Variants in TNFRSF10A observed in about 807,000 individuals in gnomAD.
TNFRSF10A encodes the protein TNF receptor superfamily member 10a.
A neutral mutation model predicts 42.8 loss-of-function variants in TNFRSF10A; 44 were observed. The ratio of observed to expected loss-of-function variants is 1.03; its 90% confidence interval spans 0.81 to 1.32. The LOEUF is 1.32. Among genes scored for constraint, TNFRSF10A ranks in the 40% most tolerant of loss-of-function variants. The probability of loss-of-function intolerance (pLI) is 0.00; values close to 1 mark genes in which losing one functional copy is unlikely to be tolerated. For missense variants in TNFRSF10A, 680 were observed against 602.0 expected (o/e 1.13, Z -1.36); for synonymous variants, 259 against 234.2 (o/e 1.11, Z -0.97).
At position 23,199,274 on chromosome 8, in the gene TNFRSF10A, A is replaced by G. The variant is rs1471505650; in HGVS notation, c.1006T>C (p.Cys336Arg). The G allele has an allele frequency of 2.5e-6, 4 of 1,612,386 alleles. No individual in the cohort carries two copies. The highest frequency in any genetic ancestry group is 3.4e-6 in the Non-Finnish European group (4 of 1,178,734). The change falls in exon 8 of 10, where the codon TGT becomes CGT. Residue 336 changes from cysteine to arginine, a missense_variant. Coordinates refer to ENST00000221132, the MANE Select transcript of TNFRSF10A (RefSeq NM_003844.4). ...VTVQSPGEAQ[C>R]LLGPAEAEGS... ...GCCTGTCCCCAACTCACCAGCAGAC[A>G]CTGTGCCTCCCCTGGGGACTGTACA...
Position 23,199,421 on chromosome 8 carries a change from G to C in TNFRSF10A, c.859C>G (p.Arg287Gly). ...GCATTGTCCTCAGCCCCAGGCCCTC[G>C]TAGGAGACCCAAGCGCCAGAAACAC... ...RVCFWRLGLL[R>G]GPGAEDNAHN... The change falls in exon 8 of 10, where the codon CGA becomes GGA. Residue 287 changes from arginine (R) to glycine (G), a missense_variant. Transcript: ENST00000221132. 2.5e-6 allele frequency: 4 copies of C among 1,612,674 alleles called. No individual in the cohort carries two copies. Among genetic ancestry groups the C allele is most frequent in the Non-Finnish European group, 3.4e-6 (4 of 1,178,790 alleles).
chr8:23,224,679 C>T, intron 1 of TNFRSF10A, 77 bp downstream of exon 1: 1 of 1,480,946 alleles, frequency 6.8e-7, no homozygotes, highest in Non-Finnish European at 9.0e-7. Context: ...GGCACCCCCG[C>T]CGCGTCCCCC....
At chr8:23,199,470 C>A (rs1292324477) in intron 7 of TNFRSF10A, 22 bp from the exon 8 acceptor site, 1 of 1,601,380 alleles carries the variant, frequency 6.2e-7, no homozygotes, top group Non-Finnish European at 8.6e-7. Context: ...AAAGAGCCAA[C>A]TCAGAAGCCC....
At position 23,213,195 on chromosome 8, in the gene TNFRSF10A, A is replaced by T. The variant is rs899078003; in HGVS notation, c.307-983T>A. ...TTGTTGACATGCAATTATTTATAGT[A>T]TTTTTTATAATCCTTTGGATTTCTG... is the stretch of plus-strand genomic sequence containing the variant. On this transcript the variant is annotated intron_variant, in intron 1 of 9. Coordinates refer to ENST00000221132, the MANE Select transcript of TNFRSF10A (RefSeq NM_003844.4). 7.9e-5 allele frequency among the ~76,000 whole-genome samples: 12 copies of T among 152,070 alleles called. No homozygotes were observed. In the South Asian group the frequency reaches 2.1e-3, roughly 26 times the overall value.
intron 1 of TNFRSF10A, among the ~76,000 whole-genome samples, chr8:23,222,328 A>C (rs1035106401): frequency 2.6e-5 from 4 of 152,206 alleles, no homozygotes; most frequent in African/African-American, 9.6e-5. Flanking sequence ...GGGAACATTG[A>C]CATATGGACA....
chr8:23,199,987 G>A (rs894919083), intron 6 of TNFRSF10A, 70 bp from the exon 7 acceptor site: 4 of 1,394,302 alleles, frequency 2.9e-6, no homozygotes, highest in South Asian at 1.2e-5. Flanking sequence ...AGAGGGCAGT[G>A]TTGGGCAGGG....
intron 9 of TNFRSF10A, among the ~76,000 whole-genome samples, chr8:23,195,571 T>C (rs1800811500): frequency 6.6e-6 from 1 of 152,320 alleles, no homozygotes; most frequent in African/African-American, 2.4e-5. Flanking sequence ...AGGGCTTTGA[T>C]TGCAATGGCC....
intron 9 of TNFRSF10A, among the ~76,000 whole-genome samples, chr8:23,192,271 C>T (rs1004293759): frequency 1.3e-5 from 2 of 152,212 alleles, no homozygotes; most frequent in Non-Finnish European, 2.9e-5. Context: ...GAGAACCCAC[C>T]TGGGGAGGAT....
In TNFRSF10A at chr8:23,205,814, G is replaced by A. The variant is rs774774678; in HGVS notation, c.404-3053C>T. On this transcript the variant is annotated intron_variant, in intron 2 of 9. Coordinates refer to ENST00000221132, the MANE Select transcript of TNFRSF10A (RefSeq NM_003844.4). ...CAACCTCTGCCTCTCAGGTTCAAGC[G>A]ATTATCCTGCCTCAGCCTCAGCCTC... Among the ~76,000 whole-genome samples, 17 of 149,342 alleles carry A rather than the reference G, an allele frequency of 1.1e-4. No individual in the cohort carries two copies. In the East Asian group the frequency reaches 2.9e-3, roughly 25 times the overall value.
At chr8:23,196,418 G>A (rs964710683) in intron 9 of TNFRSF10A, among the ~76,000 whole-genome samples, 2 of 151,988 alleles carry the variant, frequency 1.3e-5, no homozygotes, top group East Asian at 1.9e-4. Context: ...GGATGGTCTC[G>A]ATCTCCTGAC....
chr8:23,221,662 C>T (rs954749666), intron 1 of TNFRSF10A, among the ~76,000 whole-genome samples: 6 of 152,162 alleles, frequency 3.9e-5, no homozygotes, highest in South Asian at 4.1e-4. Context: ...TGCAGAGGTG[C>T]GACTGCAGTC....
intron 2 of TNFRSF10A, among the ~76,000 whole-genome samples, chr8:23,210,345 A>C (rs1184435452): frequency 6.6e-6 from 1 of 152,196 alleles, no homozygotes; most frequent in Non-Finnish European, 1.5e-5. Flanking sequence ...TTGTTGCAAA[A>C]ATTTGCAACA....
At chr8:23,197,619 A>C (rs1388500179) in intron 8 of TNFRSF10A, among the ~76,000 whole-genome samples, 1 of 152,164 alleles carries the variant, frequency 6.6e-6, no homozygotes, top group East Asian at 1.9e-4. Context: ...TAATTATTTC[A>C]TTATATATTA....
At position 23,198,483 on chromosome 8, in the gene TNFRSF10A, A is replaced by G. The variant is rs137881633; in HGVS notation, c.1014+783T>C. ...GAAGAAATTAGGAATCTACTGTCTG[A>G]ATGTGAGAAAAAGCATGAGTAGGAG... On this transcript the variant is annotated intron_variant, in intron 8 of 9. Coordinates refer to ENST00000221132, the MANE Select transcript of TNFRSF10A (RefSeq NM_003844.4). Among the ~76,000 whole-genome samples, 853 of 152,340 alleles carry G rather than the reference A, an allele frequency of 5.6e-3. 7 individuals carry two copies. Among genetic ancestry groups the G allele is most frequent in the Middle Eastern group, 0.01 (3 of 294 alleles).
At chr8:23,199,123 G>A (rs1361353804) in intron 8 of TNFRSF10A, 143 bp downstream of exon 8, 3 of 920,882 alleles carry the variant, frequency 3.3e-6, no homozygotes, top group Non-Finnish European at 4.8e-6. Context: ...GTCCCCTTGT[G>A]AGGGTGGCTG....
chr8:23,206,772 C>T (rs1801019603), intron 2 of TNFRSF10A: 2 of 153,646 alleles, frequency 1.3e-5, no homozygotes, highest in Non-Finnish European at 2.9e-5. Context: ...AATTAGGTAC[C>T]TTGGATGAAA....
intron 7 of TNFRSF10A, 43 bp from the exon 8 acceptor site, chr8:23,199,491 C>T (rs1220048102): frequency 3.8e-6 from 6 of 1,596,046 alleles, no homozygotes; most frequent in South Asian, 1.1e-5. Context: ...ACACCCAGGG[C>T]TCCCCACGGG....
intron 2 of TNFRSF10A, among the ~76,000 whole-genome samples, chr8:23,209,246 CA>C (rs748864672): frequency 3.3e-5 from 5 of 152,204 alleles, no homozygotes; most frequent in African/African-American, 7.2e-5. Flanking sequence ...GATGCCCAGG[CA>C]AAAGTTTGCT....
intron 1 of TNFRSF10A, among the ~76,000 whole-genome samples, chr8:23,216,858 T>C (rs1318534332): frequency 6.6e-6 from 1 of 152,254 alleles, no homozygotes; most frequent in Non-Finnish European, 1.5e-5. Context: ...ATATTGTTAT[T>C]GCTTAACACT....
Sources: gnomAD v4.1 joint callset for allele counts (sites outside exome capture counted in the v4.1 genomes callset) on GRCh38, gnomAD v4.1.1 for gene constraint, MANE v1.5 for transcripts, NCBI Gene and HGNC (gene_info 2026-07-23, HGNC 2026-07-21) for gene names.